SLC52A3: variants seen among roughly 807,000 people sequenced by gnomAD.
The protein encoded by SLC52A3 is solute carrier family 52 member 3.
SLC52A3 carries 20 observed loss-of-function variants against 29.5 expected under a neutral mutation model. The ratio of observed to expected loss-of-function variants is 0.68; its 90% CI spans 0.48 to 0.99. SLC52A3 has a LOEUF of 0.99. SLC52A3 is among the 50% of genes least tolerant of loss of function. SLC52A3 has a pLI of 0.00. For missense variants in SLC52A3, 548 were observed against 612.9 expected (o/e 0.89, Z 1.12); for synonymous variants, 301 against 271.0 (o/e 1.11, Z -1.09).
chr20:761,634 C>A (rs767585605), intron 4 of SLC52A3, 67 bp downstream of exon 4: 1 of 1,602,362 alleles, frequency 6.2e-7, no homozygotes, highest in African/African-American at 1.3e-5. Flanking sequence ...CGCGCCCAAG[C>A]TCTCCCAGGC....
chr20:761,986 C>T (rs1416976635), intron 3 of SLC52A3, among the ~76,000 whole-genome samples, 162 bp from the exon 4 acceptor site: 4 of 152,208 alleles, frequency 2.6e-5, no homozygotes, highest in Admixed American at 6.5e-5. Context: ...GGCTCCTGAG[C>T]AGGCAGGGCT....
At chr20:778,455 T>G (rs1014057805), upstream of SLC52A3, among the ~76,000 whole-genome samples, 2 of 152,226 alleles carry the variant, frequency 1.3e-5, no homozygotes, top group African/African-American at 2.4e-5. Context: ...CATCTGACCC[T>G]TCTTTGAGTC....
At chr20:768,948 A>G (rs1986771026), upstream of SLC52A3, among the ~76,000 whole-genome samples, 1 of 152,222 alleles carries the variant, frequency 6.6e-6, no homozygotes. Flanking sequence ...GTCCTCCAGG[A>G]GACCTCTGGC....
At chr20:761,856 G>A (rs755575866) in intron 3 of SLC52A3, 32 bp from the exon 4 acceptor site, 4 of 1,613,952 alleles carry the variant, frequency 2.5e-6, no homozygotes, top group South Asian at 2.2e-5. Context: ...GAGTGGAGGT[G>A]AGAAGCCTGA....
chr20:772,602 G>T (rs1050218662), upstream of SLC52A3, among the ~76,000 whole-genome samples: 136 of 133,538 alleles, frequency 1.0e-3, 1 homozygote, highest in Middle Eastern at 0.012. Context: ...TTTTTTTTTT[G>T]TTGTTGTTGT....
chr20:768,685 G>A (rs1313177120), upstream of SLC52A3: 1 of 152,212 alleles, frequency 6.6e-6, no homozygotes, highest in Admixed American at 6.5e-5. Context: ...CCACTCCTGG[G>A]GTGTAACGCA....
At position 761,716 on chromosome 20, in the gene SLC52A3, A is replaced by C. The variant is rs2122509114; in HGVS notation, c.1182T>G (p.Gly394=). 6.2e-7 allele frequency: 1 copy of C among 1,613,780 alleles called. No individual in the cohort carries two copies. The highest frequency in any genetic ancestry group is 8.5e-7 in the Non-Finnish European group (1 of 1,179,928). The change falls in exon 4 of 5, where the codon GGT becomes GGG. Residue 394 remains glycine (G), a synonymous_variant. Coordinates refer to ENST00000645534, the MANE Select transcript of SLC52A3 (RefSeq NM_033409.4). ...GGATACTCACAATGAGGACTTCCCC[A>C]CCCCAGTGGCCCTGCAAGAGGGGGC... ...SPCPLLQGHW[G]GEVLIVASWV...
At chr20:776,921 T>G (rs1201365649), upstream of SLC52A3, among the ~76,000 whole-genome samples, 1 of 150,036 alleles carries the variant, frequency 6.7e-6, no homozygotes, top group Non-Finnish European at 1.5e-5. Flanking sequence ...GGTGGAGCCA[T>G]GGGTGTCAAA....
upstream of SLC52A3, among the ~76,000 whole-genome samples, chr20:773,260 C>T (rs1986903169): frequency 6.6e-6 from 1 of 152,150 alleles, no homozygotes. Flanking sequence ...CCATAGCTGC[C>T]ACTCCTCAGC....
Position 765,255 on chromosome 20 carries a change from C to G in SLC52A3, c.520G>C (p.Asp174His). The change falls in exon 2 of 5, where the codon GAC (aspartate) becomes CAC (histidine). Residue 174 changes from aspartate (D) to histidine (H), a missense_variant. This residue lies in a region of SLC52A3 where 375 missense variants were observed against 471.1 expected (regional missense o/e 0.80). Coordinates refer to ENST00000645534, the MANE Select transcript of SLC52A3 (RefSeq NM_033409.4). This position sits in a 1 kb window ranked among gnomAD's most constrained non-coding sequence, Gnocchi z 6.6. ...TTCVNVTEIS[D>H]SVPSPVPTRE... ...GTGGGTACAGGGCTTGGTACGCTGTCTGATATCTCAGTGACATTGACGCAG... is the reference window on the plus strand; with the variant it reads ...GTGGGTACAGGGCTTGGTACGCTGTGTGATATCTCAGTGACATTGACGCAG... 6.2e-7 allele frequency: 1 copy of G among 1,614,154 alleles called. No homozygotes were observed. Among genetic ancestry groups the G allele is most frequent in the Non-Finnish European group, 8.5e-7 (1 of 1,180,042 alleles).
upstream of SLC52A3, among the ~76,000 whole-genome samples, chr20:777,026 A>G (rs1987061353): frequency 6.6e-6 from 1 of 152,108 alleles, no homozygotes; most frequent in Non-Finnish European, 1.5e-5. Flanking sequence ...ACCTGAGGTC[A>G]GGAATTCAGG....
chr20:764,072 G>C (rs116599153), intron 2 of SLC52A3, 69 bp from the exon 3 acceptor site: 1 of 1,382,806 alleles, frequency 7.2e-7, no homozygotes, highest in African/African-American at 1.4e-5. Flanking sequence ...TCATGACAGT[G>C]ATAACAGAAT....
rs999169206 is a variant in SLC52A3 at position 765,814 on chromosome 20, C to T, written c.-40G>A. The T allele has an allele frequency of 1.3e-6, 2 of 1,592,804 alleles. No homozygotes were observed. The highest frequency in any genetic ancestry group is 1.8e-5 in the Admixed American group (1 of 57,038). ...TGGGCCAGAGGCTTTCTCAGATCAG[C>T]CTGCAGCGGGGCTGGCAGAGAAGGA... is the stretch of plus-strand genomic sequence containing the variant. On this transcript the variant is annotated 5_prime_UTR_variant, in exon 2 of 5. Transcript: ENST00000645534. This position sits in a 1 kb window ranked among gnomAD's most constrained non-coding sequence, Gnocchi z 6.6.
At position 761,056 on chromosome 20, in the gene SLC52A3, C is replaced by T; in HGVS notation, c.1380G>A (p.Ala460=). The T allele has an allele frequency of 6.2e-7, 1 of 1,609,326 alleles. No individual in the cohort carries two copies. The highest frequency in any genetic ancestry group is 1.1e-5 in the South Asian group (1 of 90,424). ...CTGGACAGTGCAGATTGCAGAAGTC[C>T]GCGGACGAGAAGAGCCGCAGCACGT... The part of the protein sequence containing the change: ...LVNVLRLFSS[A]DFCNLHCPA Residue 460 remains alanine (A), a synonymous_variant, in exon 5 of 5, where the codon GCG becomes GCA. Coordinates refer to ENST00000645534, the MANE Select transcript of SLC52A3 (RefSeq NM_033409.4).
upstream of SLC52A3, among the ~76,000 whole-genome samples, chr20:776,886 G>A (rs954331958): frequency 1.3e-5 from 2 of 150,122 alleles, no homozygotes; most frequent in Non-Finnish European, 3.0e-5. Context: ...CAGGGTTGGC[G>A]GTCCTGGTGG....
intron 3 of SLC52A3, 127 bp from the exon 4 acceptor site, chr20:761,951 T>A: frequency 4.8e-6 from 7 of 1,444,666 alleles, no homozygotes; most frequent in Non-Finnish European, 5.7e-6. Context: ...AAATTCCAGG[T>A]TGCCTGGCTC....
upstream of SLC52A3, among the ~76,000 whole-genome samples, chr20:776,415 T>C (rs1987031447): frequency 6.6e-6 from 1 of 152,206 alleles, no homozygotes; most frequent in Non-Finnish European, 1.5e-5. Context: ...CTGAGCTGAC[T>C]CAGTGTCAGG....
chr20:764,852 G>A (rs1021925533), intron 2 of SLC52A3, among the ~76,000 whole-genome samples: 1 of 152,132 alleles, frequency 6.6e-6, no homozygotes, highest in Non-Finnish European at 1.5e-5. Context: ...ATCACCCGAG[G>A]AACTTTTATC....
chr20:763,462 C>A (rs763958003), intron 3 of SLC52A3, 36 bp downstream of exon 3: 11 of 1,613,046 alleles, frequency 6.8e-6, no homozygotes, highest in Non-Finnish European at 9.3e-6. Context: ...GAAGTGTTCC[C>A]CCACTAGGAT....
Sources: allele counts gnomAD v4.1 joint callset (sites outside exome capture counted in the v4.1 genomes callset), GRCh38; gene constraint gnomAD v4.1.1; regional missense constraint gnomAD v4.1.1; non-coding constraint Gnocchi (gnomAD v3.1); transcripts MANE v1.5; gene names NCBI Gene and HGNC (gene_info 2026-07-23, HGNC 2026-07-21).